Variants in SNAP91 observed in about 807,000 individuals in gnomAD.
SNAP91 encodes the protein synaptosome associated protein 91, also known as clathrin coat assembly protein AP180.
Under a neutral mutation model 100.3 loss-of-function variants are expected in SNAP91, and 27 were observed. The ratio of observed to expected loss-of-function variants is 0.27; its 90% confidence interval spans 0.20 to 0.37. The LOEUF (loss-of-function observed/expected upper bound fraction) is 0.37. Among genes scored for constraint, SNAP91 ranks in the 10% least tolerant of loss-of-function variants. SNAP91 has a pLI of 1.00. For missense variants in SNAP91, 986 were observed against 1,123.7 expected, an observed-to-expected ratio of 0.88 and a Z score of 1.75; for synonymous variants, 404 against 398.6, an observed-to-expected ratio of 1.01 and a Z score of -0.16.
chr6:83,708,651 T>C (rs951012148), intron 1 of SNAP91, 194 bp downstream of exon 1: 7 of 152,190 alleles, frequency 4.6e-5, no homozygotes, highest in African/African-American at 1.7e-4. Context: ...CGCCGGAGTC[T>C]TGGGGCGCCT....
chr6:83,671,237 A>G (rs2098780834), intron 2 of SNAP91, among the ~76,000 whole-genome samples: 2 of 152,064 alleles, frequency 1.3e-5, no homozygotes. Flanking sequence ...TGCCAGATGC[A>G]TTCCTAATGT....
chr6:83,573,263 C>T (rs1811728755), intron 26 of SNAP91, among the ~76,000 whole-genome samples: 1 of 152,082 alleles, frequency 6.6e-6, no homozygotes, highest in African/African-American at 2.4e-5. Context: ...AGGACCTCTT[C>T]AAGGAGAACT....
At chr6:83,692,998 A>T (rs2099150827) in intron 2 of SNAP91, among the ~76,000 whole-genome samples, 1 of 152,104 alleles carries the variant, frequency 6.6e-6, no homozygotes, top group Non-Finnish European at 1.5e-5. Context: ...TGGGTTTTAA[A>T]CTACTAGGCT....
intron 2 of SNAP91, among the ~76,000 whole-genome samples, chr6:83,688,663 C>CATATGTTATCA (rs2099093516): frequency 6.6e-6 from 1 of 152,028 alleles, no homozygotes; most frequent in Non-Finnish European, 1.5e-5. Flanking sequence ...GTTATCACAC[C>CATATGTTATCA]CAGCTAAATT....
intron 5 of SNAP91, among the ~76,000 whole-genome samples, chr6:83,660,773 T>C (rs536724929): frequency 2.7e-5 from 4 of 148,700 alleles, no homozygotes; most frequent in Admixed American, 2.0e-4. Context: ...TATTGGCTAT[T>C]TTCCATCTTT....
At chr6:83,628,222 C>CATATATATAT (rs57893971) in intron 8 of SNAP91, among the ~76,000 whole-genome samples, 2,547 of 124,590 alleles carry the variant, frequency 0.02, 109 homozygotes, top group African/African-American at 0.027. Flanking sequence ...TTCCATTTTA[C>CATATATATAT]ATATATATAT....
At chr6:83,608,486 G>C (rs559214364) in intron 12 of SNAP91, among the ~76,000 whole-genome samples, 1 of 152,024 alleles carries the variant, frequency 6.6e-6, no homozygotes, top group African/African-American at 2.4e-5. Flanking sequence ...ATTTTGTCTG[G>C]TATATTTAAT....
Position 83,707,295 on chromosome 6 carries a change from C to A in SNAP91, c.130+503G>T, listed in dbSNP as rs564149011. Among the ~76,000 whole-genome samples the A allele has an allele frequency of 5.9e-5, 9 of 152,124 alleles. No individual in the cohort carries two copies. In the Middle Eastern group the frequency reaches 0.01, roughly 174 times the overall value. ...ACACACACACCCATACTCACAAAAA[C>A]AATCCTCAGGAGCAACACTTAAAAA... On this transcript the variant is annotated intron_variant, in intron 2 of 29. Transcript: ENST00000369694.
chr6:83,623,883 A>T (rs2128419406), intron 8 of SNAP91, among the ~76,000 whole-genome samples: 1 of 152,240 alleles, frequency 6.6e-6, no homozygotes, highest in South Asian at 2.1e-4. Context: ...AACATATTAT[A>T]TATAATGAAC....
chr6:83,684,000 T>C (rs908300033), intron 2 of SNAP91, among the ~76,000 whole-genome samples: 2 of 152,220 alleles, frequency 1.3e-5, no homozygotes, highest in African/African-American at 2.4e-5. Flanking sequence ...AGGATCACTA[T>C]CACAATTGCC....
At chr6:83,702,213 G>C (rs1312375362) in intron 2 of SNAP91, among the ~76,000 whole-genome samples, 1 of 152,150 alleles carries the variant, frequency 6.6e-6, no homozygotes, top group Non-Finnish European at 1.5e-5. Context: ...ATGTTTGAAG[G>C]TTCTCTTAGT....
chr6:83,615,292 C>G (rs1047132752), intron 10 of SNAP91, among the ~76,000 whole-genome samples: 2 of 152,044 alleles, frequency 1.3e-5, no homozygotes, highest in Non-Finnish European at 2.9e-5. Context: ...TTTGGGGGAC[C>G]CTGAGTGGAA....
intron 2 of SNAP91, among the ~76,000 whole-genome samples, chr6:83,693,770 A>G (rs894456392): frequency 6.6e-6 from 1 of 152,210 alleles, no homozygotes; most frequent in African/African-American, 2.4e-5. Flanking sequence ...ACTAGCTTAT[A>G]AAGATAAGGC....
chr6:83,652,131 G>T (rs2098234266), intron 7 of SNAP91, among the ~76,000 whole-genome samples: 1 of 151,956 alleles, frequency 6.6e-6, no homozygotes, highest in Non-Finnish European at 1.5e-5. Flanking sequence ...ATATAGTTGG[G>T]TCTTGTTTTT....
chr6:83,693,343 C>G (rs2099155722), intron 2 of SNAP91, among the ~76,000 whole-genome samples: 1 of 152,172 alleles, frequency 6.6e-6, no homozygotes, highest in African/African-American at 2.4e-5. Flanking sequence ...AGTAAGTGCT[C>G]CACACATCGG....
intron 14 of SNAP91, among the ~76,000 whole-genome samples, chr6:83,602,287 C>T (rs1289722360): frequency 6.6e-6 from 1 of 151,866 alleles, no homozygotes. Context: ...TTGCTTTACA[C>T]CAACAGGAAA....
intron 2 of SNAP91, among the ~76,000 whole-genome samples, chr6:83,679,150 T>C (rs2128896176): frequency 6.6e-6 from 1 of 152,222 alleles, no homozygotes; most frequent in East Asian, 1.9e-4. Flanking sequence ...TTATAAGTAA[T>C]CCAGGGATGA....
chr6:83,599,648 T>C (rs557475728), intron 16 of SNAP91, among the ~76,000 whole-genome samples: 1 of 152,268 alleles, frequency 6.6e-6, no homozygotes, highest in South Asian at 2.1e-4. Context: ...TTTGACAAAC[T>C]CTATTTACCA....
intron 8 of SNAP91, among the ~76,000 whole-genome samples, chr6:83,632,897 T>C (rs1406289206): frequency 2.0e-5 from 3 of 152,190 alleles, no homozygotes; most frequent in Non-Finnish European, 4.4e-5. Context: ...AATCAGGGAT[T>C]TGTTGGTTTG....
Sources: gnomAD v4.1 joint callset for allele counts (sites outside exome capture counted in the v4.1 genomes callset) on GRCh38, gnomAD v4.1.1 for gene constraint, MANE v1.5 for transcripts, NCBI Gene and HGNC (gene_info 2026-07-23, HGNC 2026-07-21) for gene names.